Variants in KLHL20 observed in about 807,000 individuals in gnomAD.
KLHL20 encodes the protein kelch like family member 20, also known as kelch-like protein 20.
KLHL20 carries 29 observed loss-of-function variants against 69.5 expected under a neutral mutation model. The ratio of observed to expected loss-of-function variants is 0.42; its 90% CI spans 0.31 to 0.57. The LOEUF is 0.57. Among genes scored for constraint, KLHL20 ranks in the 20% least tolerant of loss-of-function variants. KLHL20 has a pLI of 0.18. For missense variants in KLHL20, 419 were observed against 776.0 expected (o/e 0.54, Z 5.47); for synonymous variants, 253 against 265.2 (o/e 0.95, Z 0.45).
chr1:173,754,054 T>G (rs1417882503), intron 5 of KLHL20, among the ~76,000 whole-genome samples: 1 of 147,090 alleles, frequency 6.8e-6, no homozygotes, highest in African/African-American at 2.7e-5. Context: ...CACTGACCTT[T>G]GAACCTCCCT....
rs1673327368 is a variant in KLHL20 at position 173,751,790 on chromosome 1, G to A, written c.624G>A (p.Leu208=). Residue 208 remains leucine, a synonymous_variant, in exon 4 of 12, where the codon TTG becomes TTA. Coordinates refer to ENST00000209884, the MANE Select transcript of KLHL20 (RefSeq NM_014458.4). ...TAATGGAGAGTGAAGAGTTCATGTT[G>A]CTTCCAGCCAATCAACTCATTGATA... ...QEVMESEEFM[L]LPANQLIDII... 2 of 1,613,838 alleles carry A rather than the reference G, an allele frequency of 1.2e-6. No homozygotes were observed. The highest frequency in any genetic ancestry group is 2.7e-5 in the African/African-American group (2 of 74,852).
At chr1:173,755,151 C>T (rs1361282481) in intron 5 of KLHL20, among the ~76,000 whole-genome samples, 1 of 151,766 alleles carries the variant, frequency 6.6e-6, no homozygotes, top group Non-Finnish European at 1.5e-5. Context: ...CTCTGCCTCC[C>T]AAGTTCAACC....
intron 1 of KLHL20, chr1:173,715,439 G>C (rs1671424319): frequency 6.6e-6 from 1 of 152,452 alleles, no homozygotes; most frequent in Non-Finnish European, 1.5e-5. Context: ...CTGCTACGTG[G>C]GTAGTGAACA....
intron 3 of KLHL20, among the ~76,000 whole-genome samples, chr1:173,743,681 A>T (rs1672936236): frequency 6.6e-6 from 1 of 152,026 alleles, no homozygotes; most frequent in Non-Finnish European, 1.5e-5. Flanking sequence ...TATTATTTTG[A>T]TGCATGGTAG....
intron 2 of KLHL20, among the ~76,000 whole-genome samples, chr1:173,730,959 G>T (rs1246027090): frequency 6.6e-6 from 1 of 152,102 alleles, no homozygotes; most frequent in Non-Finnish European, 1.5e-5. Context: ...GAAAATTTTT[G>T]CAATCTACTC....
intron 5 of KLHL20, among the ~76,000 whole-genome samples, chr1:173,753,596 T>A (rs898242895): frequency 6.6e-6 from 1 of 152,036 alleles, no homozygotes; most frequent in Non-Finnish European, 1.5e-5. Context: ...ATTTAAAGAG[T>A]CAATTCTCTG....
At position 173,748,037 on chromosome 1, in the gene KLHL20, GAAC is replaced by G. The variant is rs1004991028; in HGVS notation, c.598-3722_598-3720del. ...AAGAAGGATGATGAGGAAATATTAT[GAAC>G]AACATTTTACCTATAAATTCAGAGA... is the stretch of plus-strand genomic sequence containing the variant. On this transcript the variant is annotated intron_variant, in intron 3 of 11. Coordinates refer to ENST00000209884, the MANE Select transcript of KLHL20 (RefSeq NM_014458.4). Among the ~76,000 whole-genome samples, 268 of 140,734 alleles carry G rather than the reference GAAC, an allele frequency of 1.9e-3. 1 individual carries two copies. The highest frequency in any genetic ancestry group is 7.3e-3 in the African/African-American group (253 of 34,532). 92.3% of individuals were successfully genotyped at this position (140,734 alleles called of 152,430 possible). A position where few individuals can be genotyped will look rare whatever the true frequency, so the allele number is the denominator to read the frequency against.
chr1:173,743,480 T>C (rs562176728), intron 3 of KLHL20, among the ~76,000 whole-genome samples: 53 of 152,128 alleles, frequency 3.5e-4, no homozygotes, highest in African/African-American at 1.1e-3. Context: ...TTTACTCCTT[T>C]ACTTTCATAT....
chr1:173,782,094 TC>T lies in KLHL20; in HGVS notation c.1639-29del, dbSNP rs1648918415. On this transcript the variant is annotated intron_variant, in intron 10 of 11. Coordinates refer to ENST00000209884, the MANE Select transcript of KLHL20 (RefSeq NM_014458.4). ...ATTTCCTTACGATTGTCTAGTTTCT[TC>T]AGCAGCTTACTGTATTTTGGTTTTG... The T allele has an allele frequency of 7.4e-6, 11 of 1,487,858 alleles. 1 individual carries two copies. In the Admixed American group the frequency reaches 1.8e-4, roughly 25 times the overall value. 92.2% of individuals were successfully genotyped at this position (1,487,858 alleles called of 1,614,324 possible).
chr1:173,783,234 G>A (rs1350319356), intron 11 of KLHL20, among the ~76,000 whole-genome samples: 1 of 152,174 alleles, frequency 6.6e-6, no homozygotes, highest in African/African-American at 2.4e-5. Flanking sequence ...CCATCTCAGT[G>A]GTTAAGGTTG....
intron 3 of KLHL20, among the ~76,000 whole-genome samples, chr1:173,743,683 G>T (rs61826818): frequency 0.081 from 12,381 of 152,040 alleles, 681 homozygotes; most frequent in Middle Eastern, 0.2. Context: ...TTATTTTGAT[G>T]CATGGTAGGT....
At chr1:173,753,122 A>T (rs1330963996) in intron 4 of KLHL20, 91 bp from the exon 5 acceptor site, 7 of 1,013,122 alleles carry the variant, frequency 6.9e-6, no homozygotes, top group Non-Finnish European at 1.0e-5. Context: ...GCAGTGACCT[A>T]CGATCATGCC....
chr1:173,772,746 T>G (rs1648177551), intron 8 of KLHL20, among the ~76,000 whole-genome samples: 1 of 152,202 alleles, frequency 6.6e-6, no homozygotes, highest in African/African-American at 2.4e-5. Context: ...TACCACCTTC[T>G]TTAGTCTTGT....
intron 2 of KLHL20, among the ~76,000 whole-genome samples, chr1:173,732,431 G>A (rs148675607): frequency 6.6e-6 from 1 of 152,138 alleles, no homozygotes; most frequent in African/African-American, 2.4e-5. Flanking sequence ...TTTTGTCTTG[G>A]GATTTCAAAA....
At chr1:173,757,664 CAAAAAAAAAA>C (rs906943946) in intron 7 of KLHL20, among the ~76,000 whole-genome samples, 4 of 59,060 alleles carry the variant, frequency 6.8e-5, no homozygotes, top group Non-Finnish European at 1.4e-4. Context: ...GACTCCTTCT[CAAAAAAAAAA>C]AAAAAAGAAA....
chr1:173,735,044 G>GA (rs1023075023), intron 3 of KLHL20, among the ~76,000 whole-genome samples: 1 of 152,120 alleles, frequency 6.6e-6, no homozygotes, highest in Non-Finnish European at 1.5e-5. Flanking sequence ...TTGAAGACCT[G>GA]AAAAAAACCC....
intron 10 of KLHL20, among the ~76,000 whole-genome samples, chr1:173,777,051 A>G (rs1000606144): frequency 6.6e-6 from 1 of 152,164 alleles, no homozygotes; most frequent in Non-Finnish European, 1.5e-5. Context: ...CAATCCATGA[A>G]CATGGAATGT....
At chr1:173,781,053 TGGGGG>T (rs1405832039) in intron 10 of KLHL20, among the ~76,000 whole-genome samples, 2 of 27,606 alleles carry the variant, frequency 7.2e-5, no homozygotes, top group Non-Finnish European at 1.5e-4. Context: ...GGGAGGGAGG[TGGGGG>T]AGGGGAGGGG....
chr1:173,756,865 A>C (rs1399332162), intron 6 of KLHL20, 111 bp from the exon 7 acceptor site: 1 of 921,010 alleles, frequency 1.1e-6, no homozygotes, highest in Admixed American at 2.4e-5. Context: ...TTGACCTACT[A>C]CTAGAGACAT....
Sources: gnomAD v4.1 joint callset for allele counts (sites outside exome capture counted in the v4.1 genomes callset) on GRCh38, gnomAD v4.1.1 for gene constraint, MANE v1.5 for transcripts, NCBI Gene and HGNC (gene_info 2026-07-23, HGNC 2026-07-21) for gene names.